PELI2: variants seen among roughly 807,000 people sequenced by gnomAD.
The protein encoded by PELI2 is E3 ubiquitin-protein ligase pellino homolog 2.
Under a neutral mutation model 42.3 loss-of-function variants are expected in PELI2, and 23 were observed. That is an observed-to-expected ratio of 0.54 (90% CI 0.39 to 0.77). The LOEUF (loss-of-function observed/expected upper bound fraction) is 0.77, where lower values mean the gene tolerates loss of function less well. Ranked by LOEUF, PELI2 falls within the 30% of genes least tolerant of loss-of-function variation. The probability of loss-of-function intolerance (pLI) is 0.00; values close to 1 mark genes in which losing one functional copy is unlikely to be tolerated. For synonymous variants in PELI2, 245 were observed against 212.2 expected, an observed-to-expected ratio of 1.15 and a Z score of -1.34; for missense variants, 463 against 553.2, an observed-to-expected ratio of 0.84 and a Z score of 1.64.
intron 2 of PELI2, 82 bp downstream of exon 2, chr14:56,178,546 TC>T: frequency 6.7e-7 from 1 of 1,492,754 alleles, no homozygotes. Context: ...CTCTTTCCTT[TC>T]GTCTTTTCAT....
At chr14:56,148,105 A>G (rs952638701) in intron 1 of PELI2, among the ~76,000 whole-genome samples, 1 of 152,352 alleles carries the variant, frequency 6.6e-6, no homozygotes, top group Admixed American at 6.5e-5. Context: ...AGCTGGCACT[A>G]TAAGCTGTGC....
At chr14:56,143,543 C>A (rs529783709) in intron 1 of PELI2, among the ~76,000 whole-genome samples, 1 of 152,176 alleles carries the variant, frequency 6.6e-6, no homozygotes, top group Non-Finnish European at 1.5e-5. Context: ...TTTTGTATTT[C>A]CTTTATTTCT....
intron 2 of PELI2, among the ~76,000 whole-genome samples, chr14:56,264,859 G>A (rs902255021): frequency 2.6e-5 from 4 of 152,200 alleles, no homozygotes; most frequent in Admixed American, 6.5e-5. Context: ...CTCAGTATTC[G>A]GTAAATCAAT....
chr14:56,127,575 G>A (rs1883320223), intron 1 of PELI2, among the ~76,000 whole-genome samples: 1 of 152,160 alleles, frequency 6.6e-6, no homozygotes, highest in African/African-American at 2.4e-5. Flanking sequence ...GCTCTTGTGT[G>A]GTGCAGTTTA....
At chr14:56,188,504 G>GT (rs913252282) in intron 2 of PELI2, among the ~76,000 whole-genome samples, 13 of 152,134 alleles carry the variant, frequency 8.5e-5, no homozygotes, top group Admixed American at 7.2e-4. Context: ...TGAAAACTTG[G>GT]TTTTTAGCCA....
In PELI2 at chr14:56,300,351, A is replaced by G. The variant is rs1890136971; in HGVS notation, c.*3185A>G. The G allele has an allele frequency of 6.6e-6, 1 of 152,400 alleles. No homozygotes were observed. The highest frequency in any genetic ancestry group is 6.6e-5 in the Admixed American group (1 of 15,250). 9.4% of individuals were successfully genotyped at this position (152,400 alleles called of 1,614,324 possible). ...CATAAACATGATTGTAGTAGAATTT[A>G]TTTTCCAGTACCAATAGGGAAATTA... On this transcript the variant is annotated 3_prime_UTR_variant, in exon 6 of 6. Coordinates refer to ENST00000267460, the MANE Select transcript of PELI2 (RefSeq NM_021255.3).
chr14:56,204,408 G>C (rs1490054015), intron 2 of PELI2, among the ~76,000 whole-genome samples: 1 of 152,166 alleles, frequency 6.6e-6, no homozygotes, highest in South Asian at 2.1e-4. Context: ...GCCGGAAAAG[G>C]CTGGGGCCAC....
chr14:56,294,290 G>C (rs894201445), intron 5 of PELI2, among the ~76,000 whole-genome samples: 1 of 152,188 alleles, frequency 6.6e-6, no homozygotes, highest in South Asian at 2.1e-4. Flanking sequence ...GGGTGTACTG[G>C]AGTGGAGTAT....
intron 2 of PELI2, among the ~76,000 whole-genome samples, chr14:56,202,811 G>A (rs1886379256): frequency 6.6e-6 from 1 of 152,148 alleles, no homozygotes; most frequent in South Asian, 2.1e-4. Context: ...TTGAGAAACA[G>A]CTAGACAAAT....
At chr14:56,199,274 G>T (rs1181058548) in intron 2 of PELI2, among the ~76,000 whole-genome samples, 1 of 152,092 alleles carries the variant, frequency 6.6e-6, no homozygotes, top group Non-Finnish European at 1.5e-5. Flanking sequence ...GCCCATATTT[G>T]GAAACTGAAT....
intron 2 of PELI2, among the ~76,000 whole-genome samples, chr14:56,279,336 A>T (rs1468918270): frequency 6.6e-6 from 1 of 152,202 alleles, no homozygotes; most frequent in African/African-American, 2.4e-5. Context: ...AAATGACTCT[A>T]TTAGTCTAAA....
chr14:56,246,359 C>T (rs946072215), intron 2 of PELI2, among the ~76,000 whole-genome samples: 8 of 152,190 alleles, frequency 5.3e-5, no homozygotes, highest in African/African-American at 1.9e-4. Flanking sequence ...CTGTCCATCA[C>T]AGCCAAACAG....
intron 2 of PELI2, among the ~76,000 whole-genome samples, chr14:56,215,593 A>T (rs1436360184): frequency 6.6e-6 from 1 of 152,254 alleles, no homozygotes; most frequent in African/African-American, 2.4e-5. Context: ...GGAAATTCAT[A>T]TTTGGTGTTC....
intron 2 of PELI2, among the ~76,000 whole-genome samples, chr14:56,258,580 TAAAA>T (rs34178504): frequency 2.8e-5 from 4 of 144,646 alleles, no homozygotes; most frequent in Non-Finnish European, 4.6e-5. Context: ...ATGTCTGAAA[TAAAA>T]AAAAAAACAC....
chr14:56,216,704 T>C (rs1886916594), intron 2 of PELI2, among the ~76,000 whole-genome samples: 1 of 152,268 alleles, frequency 6.6e-6, no homozygotes, highest in Admixed American at 6.5e-5. Flanking sequence ...AGCAAAACTC[T>C]GTAGGCAAAG....
intron 3 of PELI2, among the ~76,000 whole-genome samples, chr14:56,281,743 T>A (rs552782906): frequency 1.8e-4 from 27 of 151,930 alleles, no homozygotes; most frequent in Non-Finnish European, 2.9e-4. Flanking sequence ...GATAGACAAA[T>A]GAGCAGAGGA....
intron 3 of PELI2, among the ~76,000 whole-genome samples, chr14:56,284,214 A>C (rs1889573883): frequency 6.6e-6 from 1 of 152,234 alleles, no homozygotes; most frequent in Non-Finnish European, 1.5e-5. Flanking sequence ...TCTGAATTTA[A>C]GGTATAAGAA....
At chr14:56,125,436 G>A (rs1883219836) in intron 1 of PELI2, among the ~76,000 whole-genome samples, 2 of 152,040 alleles carry the variant, frequency 1.3e-5, no homozygotes, top group Non-Finnish European at 2.9e-5. Flanking sequence ...TGAATTGGCA[G>A]GGTGAAATGC....
intron 2 of PELI2, among the ~76,000 whole-genome samples, chr14:56,258,050 A>G (rs1250750232): frequency 1.3e-5 from 2 of 152,216 alleles, no homozygotes; most frequent in African/African-American, 4.8e-5. Flanking sequence ...TGTAGCTCAC[A>G]AAGGACTGGG....
Sources: gnomAD v4.1 joint callset for allele counts (sites outside exome capture counted in the v4.1 genomes callset) on GRCh38, gnomAD v4.1.1 for gene constraint, MANE v1.5 for transcripts, NCBI Gene and HGNC (gene_info 2026-07-23, HGNC 2026-07-21) for gene names.